OTOP3: variants seen among roughly 807,000 people sequenced by gnomAD.
OTOP3 encodes the protein otopetrin 3.
In OTOP3, 41 loss-of-function variants were observed where a neutral mutation model predicts 50.8. That is an observed-to-expected ratio of 0.81 (90% CI 0.63 to 1.05). The LOEUF (loss-of-function observed/expected upper bound fraction) is 1.05. Ranked by LOEUF, OTOP3 falls within the 50% of genes least tolerant of loss-of-function variation. The pLI, the probability that OTOP3 is intolerant of heterozygous loss-of-function variation, is 0.00. For missense variants in OTOP3, 788 were observed against 760.8 expected (o/e 1.04, Z -0.42); for synonymous variants, 320 against 324.4 (o/e 0.99, Z 0.14).
At chr17:74,937,363 A>G (rs1360210825) in intron 1 of OTOP3, among the ~76,000 whole-genome samples, 1 of 152,204 alleles carries the variant, frequency 6.6e-6, no homozygotes, top group African/African-American at 2.4e-5. Context: ...CACAGAGTCT[A>G]AGTAGCTCTC....
At chr17:74,946,515 G>A (rs1310843275) in intron 5 of OTOP3, 146 bp from the exon 6 acceptor site, 11 of 646,410 alleles carry the variant, frequency 1.7e-5, no homozygotes, top group Admixed American at 1.3e-4. Flanking sequence ...CTTTGCCTGG[G>A]CCTCAGTTTC....
chr17:74,944,397 C>T (rs1378382317), intron 5 of OTOP3, among the ~76,000 whole-genome samples: 1 of 152,210 alleles, frequency 6.6e-6, no homozygotes, highest in Non-Finnish European at 1.5e-5. Flanking sequence ...ACTCTGCTTG[C>T]ATTTCTCAGA....
Position 74,947,021 on chromosome 17 carries a change from C to G in OTOP3, c.1112C>G (p.Ala371Gly), listed in dbSNP as rs753584052. The G allele has an allele frequency of 1.2e-6, 2 of 1,613,932 alleles. No individual in the cohort carries two copies. Among genetic ancestry groups the G allele is most frequent in the South Asian group, 2.2e-5 (2 of 91,082 alleles). ...GCTGTGCTGCCCACCATGAGTCTGG[C>G]GTGCCTGGCGGGCACAGCCATACAC... is the stretch of plus-strand genomic sequence containing the variant. ...YVAVLPTMSL[A>G]CLAGTAIHGL... The change falls in exon 6 of 7, where the codon GCG (alanine) becomes GGG (glycine). Residue 371 changes from alanine to glycine, a missense_variant. Transcript: ENST00000328801.
chr17:74,942,823 T>C (rs2039190316), intron 3 of OTOP3, among the ~76,000 whole-genome samples: 1 of 151,824 alleles, frequency 6.6e-6, no homozygotes, highest in African/African-American at 2.4e-5. Flanking sequence ...CAGGCGCCTG[T>C]AGTCCCAGCT....
rs751141715 is a variant in OTOP3 at position 74,946,705 on chromosome 17, GA to G, written c.798del (p.Ala267LeufsTer7). 1.2e-6 allele frequency: 2 copies of G among 1,612,970 alleles called. No homozygotes were observed. Among genetic ancestry groups the G allele is most frequent in the South Asian group, 2.2e-5 (2 of 91,076 alleles). ...TCLCLNATACEAFRRGFLMLY... is the reference protein window; with the variant it reads ...TCLCLNATACXAFRRGFLMLY... Reference sequence around the variant, plus strand: ...TCTGTGCCTCAATGCCACCGCGTGTGAAGCTTTCCGGAGAGGCTTCCTGATG... The same window carrying G: ...TCTGTGCCTCAATGCCACCGCGTGTGAGCTTTCCGGAGAGGCTTCCTGATG... On this transcript the variant is annotated frameshift_variant, in exon 6 of 7. Coordinates refer to ENST00000328801, the MANE Select transcript of OTOP3 (RefSeq NM_001272005.2). LOFTEE classifies it high-confidence loss of function.
At position 74,941,978 on chromosome 17, in the gene OTOP3, T is replaced by C. The variant is rs979892915; in HGVS notation, c.514T>C (p.Cys172Arg). 3.1e-6 allele frequency: 5 copies of C among 1,613,654 alleles called. No individual in the cohort carries two copies. In the African/African-American group the frequency reaches 6.7e-5, roughly 22 times the overall value. The change falls in exon 3 of 7, where the codon TGC becomes CGC. Residue 172 changes from cysteine (C) to arginine (R), a missense_variant. Cys to Arg is a radical substitution (Grantham distance 180). Transcript: ENST00000328801. ...GGGCTACGATGTGAGCCACATCCGC[T>C]GCAAGTCACAGCTGGACCTTGTCTT... The part of the protein sequence containing the change: ...RVGYDVSHIR[C>R]KSQLDLVFSV...
At chr17:74,947,597 G>T in intron 6 of OTOP3, 122 bp downstream of exon 6, 2 of 1,011,090 alleles carry the variant, frequency 2.0e-6, no homozygotes, top group South Asian at 3.4e-5. Context: ...CTGCTTGAGA[G>T]TGTCCCCCCA....
chr17:74,941,255 G>A, intron 1 of OTOP3, 138 bp from the exon 2 acceptor site: 1 of 876,832 alleles, frequency 1.1e-6, no homozygotes, highest in Non-Finnish European at 1.6e-6. Flanking sequence ...TGGGGCAGCT[G>A]CTATTAGTTC....
chr17:74,940,088 TAC>T (rs35662550), intron 1 of OTOP3, among the ~76,000 whole-genome samples: 48,573 of 122,046 alleles, frequency 0.4, 10,864 homozygotes, highest in Non-Finnish European at 0.51. Flanking sequence ...ATATATATTA[TAC>T]ACACACACAC....
intron 6 of OTOP3, 38 bp downstream of exon 6, chr17:74,947,513 G>T: frequency 6.6e-7 from 1 of 1,521,108 alleles, no homozygotes; most frequent in South Asian, 1.3e-5. Context: ...GGGTAGAGGT[G>T]GCCAGGCAGA....
intron 4 of OTOP3, 43 bp from the exon 5 acceptor site, chr17:74,943,563 G>A (rs2144784532): frequency 1.9e-6 from 3 of 1,591,064 alleles, no homozygotes; most frequent in South Asian, 2.2e-5. Flanking sequence ...GGCACCTGGG[G>A]AGCCGGCCAG....
chr17:74,943,593 G>T lies in OTOP3; in HGVS notation c.633-13G>T, dbSNP rs1446432133. 6.2e-7 allele frequency: 1 copy of T among 1,612,372 alleles called. No individual in the cohort carries two copies. Among genetic ancestry groups the T allele is most frequent in the African/African-American group, 1.3e-5 (1 of 74,772 alleles). On this transcript the variant is annotated splice_polypyrimidine_tract_variant and intron_variant, in intron 4 of 6. Coordinates refer to ENST00000328801, the MANE Select transcript of OTOP3 (RefSeq NM_001272005.2). ...GGCCAGGGTGTGTGAGAAGAGTGTGGCATTTCCCCCAGGTGTGGCCTGATG... is the reference window on the plus strand; with the variant it reads ...GGCCAGGGTGTGTGAGAAGAGTGTGTCATTTCCCCCAGGTGTGGCCTGATG...
In OTOP3 at chr17:74,938,365, C is replaced by T. The variant is rs75572804; in HGVS notation, c.19+2425C>T. 4.7e-3 allele frequency among the ~76,000 whole-genome samples: 719 copies of T among 152,108 alleles called. 4 individuals are homozygous for T. Among genetic ancestry groups the T allele is most frequent in the Admixed American group, 8.6e-3 (132 of 15,280 alleles). Reference sequence around the variant, plus strand: ...CTCAAGGGAGAGACAGAGCAAAGCACAGCTAATGGAAGCAGAGGACGATGG... The same window carrying T: ...CTCAAGGGAGAGACAGAGCAAAGCATAGCTAATGGAAGCAGAGGACGATGG... On this transcript the variant is annotated intron_variant, in intron 1 of 6. Coordinates refer to ENST00000328801, the MANE Select transcript of OTOP3 (RefSeq NM_001272005.2).
In OTOP3 at chr17:74,942,013, C is replaced by T. The variant is rs62086321; in HGVS notation, c.549C>T (p.Ile183=). 3,330 of 1,612,434 alleles carry T rather than the reference C, an allele frequency of 2.1e-3. 6 individuals are homozygous for T. Among genetic ancestry groups the T allele is most frequent in the Non-Finnish European group, 2.7e-3 (3,125 of 1,179,060 alleles). The part of the protein sequence containing the change: ...KSQLDLVFSV[I]EMVFIGVQTW... The stretch of plus-strand genomic sequence containing the variant: ...AGCTGGACCTTGTCTTCTCTGTCAT[C>T]GAGATGGTCTTCATCGGCGTCCAGG... Residue 183 remains isoleucine (I), a synonymous_variant, in exon 3 of 7, where the codon ATC becomes ATT. Transcript: ENST00000328801.
intron 1 of OTOP3, among the ~76,000 whole-genome samples, chr17:74,937,968 TGGCAGGA>T (rs769488456): frequency 2.0e-5 from 3 of 151,896 alleles, no homozygotes; most frequent in Non-Finnish European, 4.4e-5. Context: ...CCAGGAGGGA[TGGCAGGA>T]GGCAGGAGAC....
chr17:74,948,396 C>T (rs2039249644), intron 6 of OTOP3, among the ~76,000 whole-genome samples: 1 of 152,176 alleles, frequency 6.6e-6, no homozygotes, highest in South Asian at 2.1e-4. Context: ...CACGGTGGCT[C>T]ACGCCTGTAA....
Position 74,949,681 on chromosome 17 carries a change from G to C in OTOP3, c.*265G>C, listed in dbSNP as rs2039265055. 1 of 469,926 alleles carries C rather than the reference G, an allele frequency of 2.1e-6. No homozygotes were observed. The highest frequency in any genetic ancestry group is 3.2e-5 in the South Asian group (1 of 31,450). 29.1% of individuals were successfully genotyped at this position (469,926 alleles called of 1,614,324 possible). On this transcript the variant is annotated 3_prime_UTR_variant, in exon 7 of 7. Coordinates refer to ENST00000328801, the MANE Select transcript of OTOP3 (RefSeq NM_001272005.2). ...CTTCCCACCACGATCCGCAAGCCAA[G>C]GGTGCACCCCAGGAGGCTGGCAGGG...
chr17:74,948,652 T>G (rs966670263), intron 6 of OTOP3, among the ~76,000 whole-genome samples: 1 of 146,546 alleles, frequency 6.8e-6, no homozygotes, highest in Non-Finnish European at 1.5e-5. Flanking sequence ...AGAGTGAGAC[T>G]CTGTATCTTA....
chr17:74,941,591 CG>C lies in OTOP3; in HGVS notation c.222del (p.Leu75SerfsTer4), dbSNP rs1567950130. On this transcript the variant is annotated frameshift_variant, in exon 2 of 7. Transcript: ENST00000328801. LOFTEE classifies it high-confidence loss of function. ...GCCCAGAAGGCTGGACAACTCTTCT[CG>C]GGGCTCCTGGCCCTGAATGTGGTGT... ...RQAQKAGQLFSGLLALNVVFL... is the reference protein window; with the variant it reads ...RQAQKAGQLFXGLLALNVVFL... 6.2e-7 allele frequency: 1 copy of C among 1,612,450 alleles called. No homozygotes were observed. Among genetic ancestry groups the C allele is most frequent in the Admixed American group, 1.7e-5 (1 of 59,940 alleles).
Sources: gnomAD v4.1 joint callset for allele counts (sites outside exome capture counted in the v4.1 genomes callset) on GRCh38, gnomAD v4.1.1 for gene constraint, MANE v1.5 for transcripts, NCBI Gene and HGNC (gene_info 2026-07-23, HGNC 2026-07-21) for gene names.